SULF2: variants seen among roughly 807,000 people sequenced by gnomAD.
SULF2 encodes the protein extracellular sulfatase Sulf-2.
In SULF2, 52 loss-of-function variants were observed where a neutral mutation model predicts 107.7. That is an observed-to-expected ratio of 0.48 (90% CI 0.39 to 0.61). SULF2 has a LOEUF of 0.61. SULF2 is among the 20% of genes least tolerant of loss of function. SULF2 has a pLI of 0.00. For missense variants in SULF2, 993 were observed against 1,177.3 expected, an observed-to-expected ratio of 0.84 and a Z score of 2.29; for synonymous variants, 460 against 464.3, an observed-to-expected ratio of 0.99 and a Z score of 0.12.
intron 11 of SULF2, among the ~76,000 whole-genome samples, chr20:47,668,031 G>A (rs1478826602): frequency 6.6e-6 from 1 of 152,206 alleles, no homozygotes; most frequent in Admixed American, 6.5e-5. Context: ...CTTCTCCTGG[G>A]CACTTCTCTC....
chr20:47,713,771 AAAC>A (rs2089013810), intron 3 of SULF2, among the ~76,000 whole-genome samples: 1 of 152,110 alleles, frequency 6.6e-6, no homozygotes, highest in South Asian at 2.1e-4. Flanking sequence ...AAATAATAAA[AAAC>A]AAAAAAACAG....
At position 47,663,516 on chromosome 20, in the gene SULF2, T is replaced by C; in HGVS notation, c.2164A>G (p.Met722Val). ...KRLQNNDTCS[M>V]PGLTCFTHDN... ...TGGGTGAAGCACGTGAGGCCTGGCA[T>C]GCTGCACGTGTCGTTGTTCTGCAGG... is the stretch of plus-strand genomic sequence containing the variant. The change falls in exon 16 of 21, where the codon ATG (methionine) becomes GTG (valine). Residue 722 changes from methionine to valine, a missense_variant. Physicochemically the swap from Met to Val is conservative, Grantham distance 21. Transcript: ENST00000688720. 6.2e-7 allele frequency: 1 copy of C among 1,612,760 alleles called. No individual in the cohort carries two copies. The highest frequency in any genetic ancestry group is 8.5e-7 in the Non-Finnish European group (1 of 1,180,026).
At chr20:47,667,372 G>A (rs558139951) in intron 11 of SULF2, among the ~76,000 whole-genome samples, 1 of 152,272 alleles carries the variant, frequency 6.6e-6, no homozygotes, top group African/African-American at 2.4e-5. Flanking sequence ...ACGCCCTGAC[G>A]CTGAAAACTC....
intron 3 of SULF2, among the ~76,000 whole-genome samples, chr20:47,727,386 C>T (rs1199986163): frequency 6.6e-6 from 1 of 152,120 alleles, no homozygotes; most frequent in East Asian, 1.9e-4. Flanking sequence ...CCCAGCAACC[C>T]CCAGGAACTC....
Position 47,663,192 on chromosome 20 carries a change from T to C in SULF2, c.2248A>G (p.Thr750Ala), listed in dbSNP as rs1179354729. Residue 750 changes from threonine (T) to alanine (A), a missense_variant, in exon 17 of 21, where the codon ACC (threonine) becomes GCC (alanine). By Grantham distance (58) the Thr-to-Ala change is moderately conservative. This residue lies in a region of SULF2 where 497 missense variants were observed against 544.1 expected (regional missense o/e 0.91). Transcript: ENST00000688720. ...FWTLGPFCAC[T>A]SANNNTYWCM... ...CAGTACGTGTTATTGTTGGCGCTGG[T>C]GCAGGCACAGAAAGGCCCCACTGCC... 1.9e-6 allele frequency: 3 copies of C among 1,614,054 alleles called. No individual in the cohort carries two copies. The highest frequency in any genetic ancestry group is 1.6e-4 in the Middle Eastern group (1 of 6,082).
intron 14 of SULF2, 63 bp downstream of exon 14, chr20:47,665,136 G>C: frequency 9.8e-7 from 1 of 1,024,306 alleles, no homozygotes. Context: ...CACGAGAGGG[G>C]ATGAACTGAA....
rs148824290 is a variant in SULF2, at chr20:47,759,954, G to A, written c.-100-2491C>T. Among the ~76,000 whole-genome samples, 1,344 of 152,328 alleles carry A rather than the reference G, an allele frequency of 8.8e-3. 20 individuals are homozygous for A. Among genetic ancestry groups the A allele is most frequent in the Non-Finnish European group, 0.011 (717 of 68,026 alleles). On this transcript the variant is annotated intron_variant, in intron 1 of 20. Coordinates refer to ENST00000688720, the MANE Select transcript of SULF2 (RefSeq NM_001387048.1). ...ACAGAGACAGGCTTATGTTATTCAT[G>A]GCTGTCTCCAGGCCTTGGCACAAAG...
At chr20:47,702,403 G>T in intron 4 of SULF2, 116 bp downstream of exon 4, 1 of 1,236,912 alleles carries the variant, frequency 8.1e-7, no homozygotes, top group South Asian at 1.5e-5. Flanking sequence ...AAATGCTCAA[G>T]GTCACACTTT....
chr20:47,711,892 TA>T (rs367799003), intron 3 of SULF2, among the ~76,000 whole-genome samples: 1 of 152,046 alleles, frequency 6.6e-6, no homozygotes, highest in African/African-American at 2.4e-5. Flanking sequence ...ACATGACATA[TA>T]AAAATACACA....
intron 6 of SULF2, 44 bp downstream of exon 6, chr20:47,684,387 G>T: frequency 6.4e-7 from 1 of 1,557,472 alleles, no homozygotes; most frequent in Non-Finnish European, 8.7e-7. Context: ...CCTGGCTGGG[G>T]GTTCGGAGCC....
At chr20:47,714,386 C>A (rs779924391) in intron 3 of SULF2, among the ~76,000 whole-genome samples, 3 of 152,060 alleles carry the variant, frequency 2.0e-5, no homozygotes, top group Admixed American at 6.5e-5. Flanking sequence ...AGGCTACGCA[C>A]CATGGAGGGG....
rs571038086 is a variant in SULF2, at chr20:47,716,374, G to A, written c.416-13704C>T. ...ACAAAAATTAGCCGGGTGTGGTGGCGGGCGCCTGTAATCCCAGCTACTTGG... is the reference window on the plus strand; with the variant it reads ...ACAAAAATTAGCCGGGTGTGGTGGCAGGCGCCTGTAATCCCAGCTACTTGG... On this transcript the variant is annotated intron_variant, in intron 3 of 20. Transcript: ENST00000688720. 1.7e-4 allele frequency among the ~76,000 whole-genome samples: 26 copies of A among 152,194 alleles called. 2 individuals carry two copies. The South Asian group carries it at 3.1e-3, about 18-fold the overall frequency.
chr20:47,729,963 C>T (rs547568462), intron 3 of SULF2, among the ~76,000 whole-genome samples: 54 of 152,340 alleles, frequency 3.5e-4, no homozygotes, highest in African/African-American at 1.2e-3. Flanking sequence ...GCCTAGCGGG[C>T]GCCTTTCCAT....
chr20:47,720,184 A>G (rs952377171), intron 3 of SULF2, among the ~76,000 whole-genome samples: 1 of 151,952 alleles, frequency 6.6e-6, no homozygotes, highest in Non-Finnish European at 1.5e-5. Context: ...CGATCTCCTG[A>G]CCTCATGATT....
chr20:47,769,322 G>C (rs6094827), intron 1 of SULF2, among the ~76,000 whole-genome samples: 45,043 of 151,098 alleles, frequency 0.3, 7,633 homozygotes, highest in African/African-American at 0.48. Flanking sequence ...CTACAGGCGT[G>C]AGCCACCGCG....
intron 4 of SULF2, among the ~76,000 whole-genome samples, chr20:47,699,132 G>C (rs1568830392): frequency 6.8e-6 from 1 of 148,078 alleles, no homozygotes; most frequent in Non-Finnish European, 1.5e-5. Flanking sequence ...TGATGTGACT[G>C]TGTGTGTGTG....
intron 1 of SULF2, among the ~76,000 whole-genome samples, chr20:47,774,809 G>T (rs1439049114): frequency 6.6e-6 from 1 of 152,114 alleles, no homozygotes; most frequent in Non-Finnish European, 1.5e-5. Context: ...CTCTGCCAAG[G>T]GGTGATCATG....
At chr20:47,677,770 T>G (rs1320959046) in intron 8 of SULF2, 1 of 153,108 alleles carries the variant, frequency 6.5e-6, no homozygotes, top group Admixed American at 6.5e-5. Context: ...CCCCCAGGTG[T>G]CCTGGCTCCC....
At chr20:47,688,846 G>C (rs755183018) in intron 5 of SULF2, among the ~76,000 whole-genome samples, 2 of 151,886 alleles carry the variant, frequency 1.3e-5, no homozygotes, top group African/African-American at 4.8e-5. Flanking sequence ...TACAGGAGGG[G>C]CTTGAGGAGG....
Sources: allele counts gnomAD v4.1 joint callset (sites outside exome capture counted in the v4.1 genomes callset), GRCh38; gene constraint gnomAD v4.1.1; regional missense constraint gnomAD v4.1.1; transcripts MANE v1.5; gene names NCBI Gene and HGNC (gene_info 2026-07-23, HGNC 2026-07-21).